The following SLC35A2 variants were observed in gnomAD, a reference collection of about 807,000 sequenced individuals.
SLC35A2 encodes the protein solute carrier family 35 member A2, also known as UDP-galactose translocator.
A neutral mutation model predicts 17.3 loss-of-function variants in SLC35A2; 1 was observed. The observed-to-expected ratio is 0.06, with a 90% confidence interval of 0.02 to 0.27. The LOEUF (loss-of-function observed/expected upper bound fraction) is 0.27, where lower values mean the gene tolerates loss of function less well. SLC35A2 is among the 10% of genes least tolerant of loss of function. The probability of loss-of-function intolerance (pLI) is 1.00; values close to 1 mark genes in which losing one functional copy is unlikely to be tolerated. For missense variants in SLC35A2, 191 were observed against 339.3 expected, an observed-to-expected ratio of 0.56 and a Z score of 3.43; for synonymous variants, 161 against 161.3, an observed-to-expected ratio of 1.00 and a Z score of 0.01.
chrX:48,909,607 C>T (rs2063516464), intron 2 of SLC35A2, among the ~76,000 whole-genome samples: 1 of 113,517 alleles, frequency 8.8e-6, no homozygotes, highest in Non-Finnish European at 1.9e-5. Flanking sequence ...TAAGCATTGG[C>T]AATCTCACTC....
intron 4 of SLC35A2, 91 bp downstream of exon 4, chrX:48,904,655 T>G (rs369625853): frequency 7.4e-6 from 9 of 1,209,538 alleles, no homozygotes; most frequent in Non-Finnish European, 8.9e-6. Flanking sequence ...GGGTGGCGAC[T>G]TGGGTCCTGC....
At chrX:48,904,123 CA>C (rs2063466962) in intron 4 of SLC35A2, 1 of 766,789 alleles carries the variant, frequency 1.3e-6, no homozygotes, top group Non-Finnish European at 1.5e-6. Flanking sequence ...AGGGCTGATG[CA>C]AAAATCTTAG....
At chrX:48,911,420 A>G (rs2063532865) in intron 1 of SLC35A2, 126 bp downstream of exon 1, 5 of 365,664 alleles carry the variant, frequency 1.4e-5, no homozygotes, top group Admixed American at 5.5e-5. Flanking sequence ...GACAATGTGC[A>G]CACACACACA....
intron 2 of SLC35A2, among the ~76,000 whole-genome samples, chrX:48,907,819 C>T (rs1375060585): frequency 1.8e-5 from 2 of 110,829 alleles, no homozygotes; most frequent in African/African-American, 6.6e-5. Flanking sequence ...GTCAGGAGTT[C>T]GAGACCAGGC....
intron 2 of SLC35A2, 140 bp downstream of exon 2, chrX:48,909,674 C>T (rs1050268749): frequency 3.0e-5 from 16 of 526,584 alleles, no homozygotes; most frequent in Non-Finnish European, 3.7e-5. Flanking sequence ...TGTAAGATGC[C>T]GCTACGCATA....
chrX:48,904,142 C>T (rs2063467052), intron 4 of SLC35A2: 11 of 773,338 alleles, frequency 1.4e-5, no homozygotes, highest in Non-Finnish European at 1.7e-5. Context: ...TAGCTCTTGT[C>T]CCTTTCTCCC....
At chrX:48,910,501 GCTC>G (rs1257861023) in intron 1 of SLC35A2, among the ~76,000 whole-genome samples, 1 of 111,813 alleles carries the variant, frequency 8.9e-6, no homozygotes, top group Non-Finnish European at 1.9e-5. Flanking sequence ...ATGAAATGAT[GCTC>G]CTGTTTAATG....
At position 48,904,877 on chromosome X, in the gene SLC35A2, T is replaced by C. The variant is rs782060149; in HGVS notation, c.1032A>G (p.Ala344=). ...AVYLYSLPRG[A]AKAIASASAS... ...CAGAGGCAGAGGCTATGGCTTTGGC[T>C]GCACCTCGGGGAAGGCTGTAGAGGT... is the stretch of plus-strand genomic sequence containing the variant. The change falls in exon 4 of 5, where the codon GCA becomes GCG. Residue 344 remains alanine (A), a synonymous_variant. Coordinates refer to ENST00000247138, the MANE Select transcript of SLC35A2 (RefSeq NM_005660.3). 2.5e-6 allele frequency: 3 copies of C among 1,210,132 alleles called. No homozygotes were observed. Among genetic ancestry groups the C allele is most frequent in the South Asian group, 1.8e-5 (1 of 56,790 alleles).
intron 2 of SLC35A2, among the ~76,000 whole-genome samples, 175 bp downstream of exon 2, chrX:48,909,639 T>C (rs1602344375): frequency 8.8e-6 from 1 of 113,666 alleles, no homozygotes; most frequent in Non-Finnish European, 1.9e-5. Context: ...ACAGGCCGGC[T>C]ACCCGGCTGT....
chrX:48,905,763 T>C, intron 3 of SLC35A2: 1 of 335,619 alleles, frequency 3.0e-6, no homozygotes. Flanking sequence ...GCACTTGCCC[T>C]GTCTGAGCCC....
At chrX:48,906,245 G>C in intron 3 of SLC35A2, 147 bp downstream of exon 3, 1 of 531,548 alleles carries the variant, frequency 1.9e-6, no homozygotes, top group Non-Finnish European at 3.3e-6. Context: ...TTTCACAGAC[G>C]AGAAAAGGGA....
intron 2 of SLC35A2, among the ~76,000 whole-genome samples, chrX:48,907,108 G>A (rs1303757544): frequency 9.5e-6 from 1 of 104,749 alleles, no homozygotes; most frequent in Non-Finnish European, 2.0e-5. Flanking sequence ...GGTGGAGGTT[G>A]CAGTGAGCTG....
intron 2 of SLC35A2, among the ~76,000 whole-genome samples, chrX:48,907,177 A>G (rs1569511305): frequency 9.1e-6 from 1 of 109,603 alleles, no homozygotes; most frequent in Non-Finnish European, 1.9e-5. Flanking sequence ...TCAAAAAAAA[A>G]AAAAAAGAAA....
chrX:48,910,382 T>C, intron 1 of SLC35A2: 2 of 787,088 alleles, frequency 2.5e-6, no homozygotes, highest in Middle Eastern at 2.9e-4. Flanking sequence ...TGTATGCCTA[T>C]CACTGGGTTA....
chrX:48,908,270 C>G (rs2063506107), intron 2 of SLC35A2, among the ~76,000 whole-genome samples: 1 of 108,054 alleles, frequency 9.3e-6, no homozygotes, highest in Admixed American at 9.9e-5. Flanking sequence ...CACCTGCCAC[C>G]GCGCCTGGAT....
intron 4 of SLC35A2, chrX:48,904,415 G>C: frequency 1.8e-6 from 2 of 1,089,679 alleles, no homozygotes; most frequent in Non-Finnish European, 2.4e-6. Flanking sequence ...GCACAGGGTC[G>C]GGGAGGGAGC....
At chrX:48,904,210 C>T in intron 4 of SLC35A2, 1 of 814,747 alleles carries the variant, frequency 1.2e-6, no homozygotes, top group Non-Finnish European at 1.5e-6. Context: ...CAAGGCCACA[C>T]AAAAGACGGA....
intron 4 of SLC35A2, 138 bp downstream of exon 4, chrX:48,904,608 A>T: frequency 8.3e-7 from 1 of 1,204,115 alleles, no homozygotes; most frequent in Non-Finnish European, 1.1e-6. Context: ...CTGGGAGAAA[A>T]GACCATCTCC....
intron 2 of SLC35A2, among the ~76,000 whole-genome samples, chrX:48,909,130 G>A (rs781935096): frequency 1.8e-5 from 2 of 112,270 alleles, no homozygotes; most frequent in Non-Finnish European, 3.8e-5. Context: ...AGATTTAGAA[G>A]ATACCAAACA....
Sources: gnomAD v4.1 joint callset for allele counts (sites outside exome capture counted in the v4.1 genomes callset) on GRCh38, gnomAD v4.1.1 for gene constraint, MANE v1.5 for transcripts, NCBI Gene and HGNC (gene_info 2026-07-23, HGNC 2026-07-21) for gene names.